The following PID1 variants were observed in gnomAD, a reference collection of about 807,000 sequenced individuals.
PID1 encodes the protein phosphotyrosine interaction domain containing 1, also known as PTB-containing, cubilin and LRP1-interacting protein.
A neutral mutation model predicts 19.1 loss-of-function variants in PID1; 10 were observed. The ratio of observed to expected loss-of-function variants is 0.52; its 90% CI spans 0.32 to 0.89. The LOEUF (loss-of-function observed/expected upper bound fraction) is 0.89. PID1 is among the 40% of genes least tolerant of loss of function. The pLI is 0.03. For missense variants in PID1, 248 were observed against 285.3 expected (o/e 0.87, Z 0.94); for synonymous variants, 130 against 116.0 (o/e 1.12, Z -0.78).
In PID1 at chr2:229,184,526, GTATA is replaced by G. The variant is rs1235130955; in HGVS notation, c.31-28566_31-28563del. Among the ~76,000 whole-genome samples, 2 of 6,970 alleles carry G rather than the reference GTATA, an allele frequency of 2.9e-4. 1 individual carries two copies. Among genetic ancestry groups the G allele is most frequent in the Non-Finnish European group, 4.4e-4 (2 of 4,586 alleles). 4.6% of individuals were successfully genotyped at this position (6,970 alleles called of 152,430 possible). A position where few individuals can be genotyped will look rare whatever the true frequency, so the allele number is the denominator to read the frequency against. ...TATATATCCCGTATATATATATCCC[GTATA>G]TATATATATATCCCGTATATATATA... On this transcript the variant is annotated intron_variant, in intron 1 of 2. Transcript: ENST00000392055.
intron 2 of PID1, among the ~76,000 whole-genome samples, chr2:229,109,941 A>G (rs960766856): frequency 2.6e-5 from 4 of 152,200 alleles, no homozygotes; most frequent in Admixed American, 1.3e-4. Context: ...CTTATCATGC[A>G]GAACATATTA....
chr2:229,131,774 T>C (rs1315614974), intron 2 of PID1, among the ~76,000 whole-genome samples: 1 of 152,116 alleles, frequency 6.6e-6, no homozygotes. Context: ...CCAAGCAACG[T>C]TCACTTCTTA....
chr2:229,203,461 G>GA (rs1002894332), intron 1 of PID1, among the ~76,000 whole-genome samples: 8 of 151,222 alleles, frequency 5.3e-5, no homozygotes, highest in African/African-American at 1.2e-4. Context: ...ACATTGATGA[G>GA]AAAAAAAATG....
chr2:229,201,436 T>C (rs1691497005), intron 1 of PID1, among the ~76,000 whole-genome samples: 1 of 152,050 alleles, frequency 6.6e-6, no homozygotes, highest in Admixed American at 6.6e-5. Context: ...TTCATCCATG[T>C]CGTGGCATGT....
Position 229,141,750 on chromosome 2 carries a change from A to G in PID1, c.177+14068T>C, listed in dbSNP as rs1349137470. Among the ~76,000 whole-genome samples, 4 of 152,146 alleles carry G rather than the reference A, an allele frequency of 2.6e-5. No homozygotes were observed. The East Asian group carries it at 7.7e-4, about 29-fold the overall frequency. On this transcript the variant is annotated intron_variant, in intron 2 of 2. Coordinates refer to ENST00000392055, the MANE Select transcript of PID1 (RefSeq NM_001100818.2). ...CATTACTTCCTGAGTAAATTATTTT[A>G]TAATTCCTGGATTTGGCTTCTGAAG...
chr2:229,192,025 T>C (rs1047480052), intron 1 of PID1, among the ~76,000 whole-genome samples: 1 of 152,166 alleles, frequency 6.6e-6, no homozygotes, highest in Non-Finnish European at 1.5e-5. Flanking sequence ...CCTTCTTTTT[T>C]AAGTGATAAT....
intron 1 of PID1, among the ~76,000 whole-genome samples, chr2:229,248,836 GC>G (rs1293771960): frequency 6.6e-6 from 1 of 152,086 alleles, no homozygotes; most frequent in Non-Finnish European, 1.5e-5. Context: ...TCCAATGAAA[GC>G]CAAGGGGCCT....
intron 1 of PID1, among the ~76,000 whole-genome samples, chr2:229,195,377 A>G (rs372351040): frequency 2.6e-5 from 4 of 151,926 alleles, no homozygotes; most frequent in African/African-American, 9.6e-5. Context: ...ATACATATAA[A>G]CACACATGTA....
chr2:229,070,656 C>T (rs909467354), intron 2 of PID1, among the ~76,000 whole-genome samples: 2 of 152,094 alleles, frequency 1.3e-5, no homozygotes, highest in Non-Finnish European at 2.9e-5. Context: ...AAAATGTTTA[C>T]GATTCACATA....
intron 1 of PID1, among the ~76,000 whole-genome samples, chr2:229,165,544 C>A (rs1052676544): frequency 1.3e-5 from 2 of 151,714 alleles, no homozygotes; most frequent in African/African-American, 4.9e-5. Flanking sequence ...CAAGCCACTG[C>A]ACTCCAGCCT....
chr2:229,096,567 T>C (rs1694974821), intron 2 of PID1, among the ~76,000 whole-genome samples: 1 of 152,150 alleles, frequency 6.6e-6, no homozygotes, highest in African/African-American at 2.4e-5. Flanking sequence ...GGACACATTA[T>C]AGGTCTTGGC....
At chr2:229,139,134 A>C (rs181510769) in intron 2 of PID1, among the ~76,000 whole-genome samples, 1,514 of 115,052 alleles carry the variant, frequency 0.013, 104 homozygotes, top group South Asian at 0.033. Context: ...AGAAAGAAAG[A>C]AAGAAAGAAA....
chr2:229,114,517 T>C (rs1245432365), intron 2 of PID1, among the ~76,000 whole-genome samples: 3 of 152,114 alleles, frequency 2.0e-5, no homozygotes. Flanking sequence ...AGGCAGGTCC[T>C]TCACAATTGG....
chr2:229,115,040 C>T (rs756224193), intron 2 of PID1, among the ~76,000 whole-genome samples: 3 of 152,086 alleles, frequency 2.0e-5, no homozygotes, highest in Non-Finnish European at 2.9e-5. Context: ...TAATAGAATA[C>T]CTGAAATTCA....
intron 2 of PID1, among the ~76,000 whole-genome samples, chr2:229,056,790 C>T (rs1694111405): frequency 6.6e-6 from 1 of 151,960 alleles, no homozygotes; most frequent in Non-Finnish European, 1.5e-5. Flanking sequence ...AATAATTCTA[C>T]CTCCGTGTCC....
intron 1 of PID1, among the ~76,000 whole-genome samples, chr2:229,224,429 A>T (rs948134555): frequency 7.2e-5 from 11 of 152,142 alleles, no homozygotes; most frequent in African/African-American, 2.4e-4. Context: ...CCTTCACATT[A>T]TCTTTTGGGT....
At chr2:229,128,503 A>G (rs1689635293) in intron 2 of PID1, among the ~76,000 whole-genome samples, 3 of 152,210 alleles carry the variant, frequency 2.0e-5, no homozygotes, top group Admixed American at 2.0e-4. Flanking sequence ...AAAACTGTTC[A>G]AAGCCAAAGG....
chr2:229,025,784 C>G lies in PID1; in HGVS notation c.502G>C (p.Glu168Gln). Reference sequence around the variant, plus strand: ...TTGGCCTCGAGCTTGCTCTCGCACTCCACGGCGTGGCAGTCCATCTGGTAG... The same window carrying G: ...TTGGCCTCGAGCTTGCTCTCGCACTGCACGGCGTGGCAGTCCATCTGGTAG... ...LSYQMDCHAV[E>Q]CESKLEAKKL... The change falls in exon 3 of 3, where the codon GAG becomes CAG. Residue 168 changes from glutamate to glutamine, a missense_variant. Glu to Gln is a conservative substitution (Grantham distance 29). Transcript: ENST00000392055. The G allele has an allele frequency of 6.2e-7, 1 of 1,614,258 alleles. No individual in the cohort carries two copies. The highest frequency in any genetic ancestry group is 8.5e-7 in the Non-Finnish European group (1 of 1,180,038).
intron 1 of PID1, among the ~76,000 whole-genome samples, chr2:229,216,242 C>T (rs185260512): frequency 5.9e-5 from 9 of 152,296 alleles, no homozygotes; most frequent in Non-Finnish European, 1.0e-4. Flanking sequence ...GCCACGTGGT[C>T]CCCCTCAACA....
Sources: gnomAD v4.1 joint callset for allele counts (sites outside exome capture counted in the v4.1 genomes callset) on GRCh38, gnomAD v4.1.1 for gene constraint, MANE v1.5 for transcripts, NCBI Gene and HGNC (gene_info 2026-07-23, HGNC 2026-07-21) for gene names.